The following EYS variants were observed in gnomAD, a reference collection of about 807,000 sequenced individuals.
EYS encodes the protein EGF-like photoreceptor maintenance factor.
EYS carries 250 observed loss-of-function variants against 282.1 expected under a neutral mutation model. The ratio of observed to expected loss-of-function variants is 0.89; its 90% CI spans 0.80 to 0.98. The LOEUF is 0.98. Ranked by LOEUF, EYS falls within the 50% of genes least tolerant of loss-of-function variation. The pLI is 0.00. For missense variants in EYS, 4,016 were observed against 3,709.0 expected (o/e 1.08, Z -2.15); for synonymous variants, 1,355 against 1,282.9 (o/e 1.06, Z -1.20).
chr6:65,557,988 C>A (rs1768884702), intron 2 of EYS, among the ~76,000 whole-genome samples: 2 of 152,100 alleles, frequency 1.3e-5, no homozygotes, highest in South Asian at 4.1e-4. Flanking sequence ...CATGGGTGGC[C>A]ATGGGAGGAC....
At chr6:64,161,653 T>C (rs1027467381) in intron 31 of EYS, among the ~76,000 whole-genome samples, 2 of 152,212 alleles carry the variant, frequency 1.3e-5, no homozygotes, top group Admixed American at 1.3e-4. Flanking sequence ...TGAATATTTT[T>C]CATGCTATCT....
chr6:65,074,785 C>T (rs1308050301), intron 12 of EYS, among the ~76,000 whole-genome samples: 3 of 151,866 alleles, frequency 2.0e-5, no homozygotes, highest in African/African-American at 4.8e-5. Flanking sequence ...ACTGCTGAGA[C>T]AGGTAAAGAC....
intron 35 of EYS, among the ~76,000 whole-genome samples, chr6:63,966,126 TCAA>T (rs1190496706): frequency 6.6e-6 from 1 of 152,178 alleles, no homozygotes; most frequent in Non-Finnish European, 1.5e-5. Context: ...TGCCCATCAA[TCAA>T]CGAGTGGCTA....
intron 36 of EYS, 120 bp from the exon 37 acceptor site, chr6:63,806,492 T>A: frequency 1.2e-6 from 1 of 826,486 alleles, no homozygotes. Flanking sequence ...TTAATTATAC[T>A]TTAGTGCCCT....
chr6:63,744,804 G>A, intron 41 of EYS: 2 of 215,782 alleles, frequency 9.3e-6, no homozygotes, highest in South Asian at 5.3e-5. Flanking sequence ...CTGACCTCAG[G>A]TGATTTGCCC....
intron 35 of EYS, among the ~76,000 whole-genome samples, chr6:63,974,104 G>A (rs1219517215): frequency 6.6e-6 from 1 of 151,938 alleles, no homozygotes; most frequent in East Asian, 1.9e-4. Flanking sequence ...CTCACATTTT[G>A]TTCCACATTT....
At chr6:63,957,083 C>A (rs1765858685) in intron 35 of EYS, among the ~76,000 whole-genome samples, 1 of 152,168 alleles carries the variant, frequency 6.6e-6, no homozygotes, top group Non-Finnish European at 1.5e-5. Context: ...ACACTGAACT[C>A]ATAGCCAATA....
At chr6:64,734,205 T>C (rs1772095635) in intron 22 of EYS, among the ~76,000 whole-genome samples, 1 of 151,990 alleles carries the variant, frequency 6.6e-6, no homozygotes, top group South Asian at 2.1e-4. Context: ...CAATAAATAA[T>C]ATAATTCAGA....
chr6:64,287,447 T>C (rs117872522), intron 30 of EYS, among the ~76,000 whole-genome samples: 2 of 152,184 alleles, frequency 1.3e-5, no homozygotes, highest in Non-Finnish European at 2.9e-5. Context: ...CTGAAAAGGA[T>C]TGAATACCAC....
chr6:65,481,223 C>T (rs1398966343), intron 5 of EYS, among the ~76,000 whole-genome samples: 1 of 151,880 alleles, frequency 6.6e-6, no homozygotes, highest in African/African-American at 2.4e-5. Context: ...CACTCTGTAT[C>T]TTATAAATAT....
intron 31 of EYS, among the ~76,000 whole-genome samples, chr6:64,133,430 T>C (rs1303674644): frequency 2.0e-5 from 3 of 151,672 alleles, no homozygotes; most frequent in Admixed American, 6.6e-5. Context: ...GCATTATCTG[T>C]GGGTTTTCTA....
chr6:65,662,645 G>A (rs1768046410), intron 1 of EYS, among the ~76,000 whole-genome samples: 1 of 152,108 alleles, frequency 6.6e-6, no homozygotes, highest in Admixed American at 6.6e-5. Flanking sequence ...CATGCTCAGG[G>A]TGGATGTGGA....
chr6:64,170,020 T>C (rs1764433163), intron 31 of EYS, among the ~76,000 whole-genome samples: 1 of 152,090 alleles, frequency 6.6e-6, no homozygotes, highest in African/African-American at 2.4e-5. Context: ...TATATTTGGG[T>C]TGTCTTTGAA....
intron 41 of EYS, chr6:63,744,826 C>A: frequency 4.5e-6 from 1 of 222,702 alleles, no homozygotes; most frequent in Non-Finnish European, 9.1e-6. Context: ...CCTTGGCCTC[C>A]CAAAGTGCTG....
intron 18 of EYS, among the ~76,000 whole-genome samples, chr6:64,898,086 A>G (rs1767531650): frequency 6.6e-6 from 1 of 152,160 alleles, no homozygotes; most frequent in Non-Finnish European, 1.5e-5. Flanking sequence ...CAACATTCAA[A>G]TTCAGGAAAT....
rs1470781770 is a variant in EYS, at chr6:65,621,389, TG to T, written c.-333+18388del. ...TAGGATTGCAACCCCTGCCTTTTTT[TG>T]TTTTCCATTGGCTTGGTAGATCTTC... On this transcript the variant is annotated intron_variant, in intron 2 of 42. Transcript: ENST00000503581. Among the ~76,000 whole-genome samples, 1,040 of 151,688 alleles carry T rather than the reference TG, an allele frequency of 6.9e-3. 11 individuals are homozygous for T. Among genetic ancestry groups the T allele is most frequent in the African/African-American group, 0.022 (914 of 41,264 alleles).
intron 13 of EYS, among the ~76,000 whole-genome samples, chr6:65,018,160 AT>A (rs1772116573): frequency 6.6e-6 from 1 of 152,242 alleles, no homozygotes; most frequent in Admixed American, 6.5e-5. Flanking sequence ...ATATGTATGT[AT>A]TGGTATGCTA....
In EYS at chr6:65,026,916, C is replaced by CAAAAAAAAAAAAAAAAAAAAAAAAAA. The variant is rs1260312589; in HGVS notation, c.2138-29214_2138-29213insTTTTTTTTTTTTTTTTTTTTTTTTTT. Among the ~76,000 whole-genome samples the CAAAAAAAAAAAAAAAAAAAAAAAAAA allele has an allele frequency of 5.7e-4, 61 of 107,846 alleles. 4 individuals are homozygous for CAAAAAAAAAAAAAAAAAAAAAAAAAA. Among genetic ancestry groups the CAAAAAAAAAAAAAAAAAAAAAAAAAA allele is most frequent in the East Asian group, 1.8e-3 (6 of 3,344 alleles). 70.8% of individuals were successfully genotyped at this position (107,846 alleles called of 152,430 possible). A position where few individuals can be genotyped will look rare whatever the true frequency, so the allele number is the denominator to read the frequency against. ...TGGGCGACAGAGTGAGACTCCGTCT[C>CAAAAAAAAAAAAAAAAAAAAAAAAAA]AAAAAAAAAAAAAAGATTCAGATAT... On this transcript the variant is annotated intron_variant, in intron 13 of 42. Transcript: ENST00000503581.
chr6:64,450,872 A>G (rs950414255), intron 26 of EYS, among the ~76,000 whole-genome samples: 15 of 152,196 alleles, frequency 9.9e-5, no homozygotes, highest in African/African-American at 3.4e-4. Flanking sequence ...ATAGAGGGAA[A>G]TTTATAGCAC....
Sources: gnomAD v4.1 joint callset for allele counts (sites outside exome capture counted in the v4.1 genomes callset) on GRCh38, gnomAD v4.1.1 for gene constraint, MANE v1.5 for transcripts, NCBI Gene and HGNC (gene_info 2026-07-23, HGNC 2026-07-21) for gene names.